The following IQCH variants were observed in gnomAD, a reference collection of about 807,000 sequenced individuals.
The protein encoded by IQCH is IQ motif containing H.
A neutral mutation model predicts 117.0 loss-of-function variants in IQCH; 98 were observed. The observed-to-expected ratio is 0.84, with a 90% CI of 0.71 to 0.99. IQCH has a LOEUF of 0.99. Among genes scored for constraint, IQCH ranks in the 50% least tolerant of loss-of-function variants. The pLI is 0.00. For missense variants in IQCH, 1,102 were observed against 1,243.8 expected, an observed-to-expected ratio of 0.89 and a Z score of 1.72; for synonymous variants, 412 against 448.2, an observed-to-expected ratio of 0.92 and a Z score of 1.02.
At position 67,443,602 on chromosome 15, in the gene IQCH, C is replaced by T. The variant is rs1164884922; in HGVS notation, c.2506-21525C>T. Among the ~76,000 whole-genome samples, 2 of 152,136 alleles carry T rather than the reference C, an allele frequency of 1.3e-5. No homozygotes were observed. The highest frequency in any genetic ancestry group is 4.8e-5 in the African/African-American group (2 of 41,426). Reference sequence around the variant, plus strand: ...AAAATAAAATAAATAAATGCATTATCGTCCTACCTCCCACATATTACCTTC... The same window carrying T: ...AAAATAAAATAAATAAATGCATTATTGTCCTACCTCCCACATATTACCTTC... On this transcript the variant is annotated intron_variant, in intron 16 of 20. Coordinates refer to ENST00000335894, the MANE Select transcript of IQCH (RefSeq NM_001031715.3). This position sits in a 1 kb window ranked among gnomAD's most constrained non-coding sequence, Gnocchi z 5.0.
At chr15:67,341,697 C>A (rs555845885) in intron 5 of IQCH, among the ~76,000 whole-genome samples, 3 of 152,058 alleles carry the variant, frequency 2.0e-5, no homozygotes, top group African/African-American at 7.2e-5. Flanking sequence ...AAAATGAACA[C>A]ATGTCAAAGA....
rs572604263 is a variant in IQCH, at chr15:67,436,014, G to A, written c.2505+14437G>A. On this transcript the variant is annotated intron_variant, in intron 16 of 20. Coordinates refer to ENST00000335894, the MANE Select transcript of IQCH (RefSeq NM_001031715.3). This position sits in a 1 kb window ranked among gnomAD's most constrained non-coding sequence, Gnocchi z 5.1. ...ATTTTACCTGTAATGTAAATGTTGC[G>A]GTGGAAAAGTACATTTGCTTTAGGC... Among the ~76,000 whole-genome samples the A allele has an allele frequency of 2.2e-4, 34 of 151,970 alleles. No homozygotes were observed. Among genetic ancestry groups the A allele is most frequent in the Non-Finnish European group, 3.8e-4 (26 of 68,004 alleles).
At chr15:67,273,138 T>C (rs923144785) in intron 3 of IQCH, among the ~76,000 whole-genome samples, 2 of 152,196 alleles carry the variant, frequency 1.3e-5, no homozygotes, top group African/African-American at 4.8e-5. Context: ...TGTTGCAATC[T>C]CGGCTCACTG....
intron 2 of IQCH, 85 bp downstream of exon 2, chr15:67,261,479 G>C: frequency 8.5e-7 from 1 of 1,172,676 alleles, no homozygotes; most frequent in Non-Finnish European, 1.2e-6. Context: ...ATAGAGTCCT[G>C]CATAATTCTG....
intron 13 of IQCH, among the ~76,000 whole-genome samples, chr15:67,398,399 G>T (rs1223220732): frequency 6.6e-6 from 1 of 152,146 alleles, no homozygotes. Context: ...TTCCTAGGCT[G>T]TGTTCATCAC....
At chr15:67,269,059 G>A (rs1016838664) in intron 3 of IQCH, among the ~76,000 whole-genome samples, 10 of 150,876 alleles carry the variant, frequency 6.6e-5, no homozygotes, top group African/African-American at 2.2e-4. Context: ...TAGACAGAAG[G>A]GCATCAACAG....
At chr15:67,363,453 T>G (rs571087978) in intron 8 of IQCH, among the ~76,000 whole-genome samples, 1 of 150,808 alleles carries the variant, frequency 6.6e-6, no homozygotes, top group African/African-American at 2.4e-5. Flanking sequence ...ACCATGTTGG[T>G]CAGGCTGGTC....
chr15:67,470,368 C>T (rs1405355904), intron 17 of IQCH, among the ~76,000 whole-genome samples: 1 of 152,066 alleles, frequency 6.6e-6, no homozygotes, highest in Non-Finnish European at 1.5e-5. Flanking sequence ...TTAGTAGAGA[C>T]GGGGTTTCAC....
rs1336101971 is a variant in IQCH, at chr15:67,466,538, C to G, written c.2676+1241C>G. 1 of 152,192 alleles carries G rather than the reference C, an allele frequency of 6.6e-6. No homozygotes were observed. Among genetic ancestry groups the G allele is most frequent in the Non-Finnish European group, 1.5e-5 (1 of 68,072 alleles). The allele number at this position is 152,192 out of a possible 1,614,324, so 9.4% of individuals were successfully genotyped here. A position where few individuals can be genotyped will look rare whatever the true frequency, so the allele number is the denominator to read the frequency against. ...GCCTCTCTGTGAACCCCTTTGGGTC[C>G]AGTCTGGATTTGAATAACCTTTGAC... is the stretch of plus-strand genomic sequence containing the variant. On this transcript the variant is annotated intron_variant, in intron 17 of 20. Coordinates refer to ENST00000335894, the MANE Select transcript of IQCH (RefSeq NM_001031715.3). This position sits in a 1 kb window ranked among gnomAD's most constrained non-coding sequence, Gnocchi z 4.4.
At position 67,359,770 on chromosome 15, in the gene IQCH, C is replaced by T; in HGVS notation, c.715-77C>T. ...GTAAAATGGGGAAGGGGGTGAGGCT[C>T]TGAGCCTTCTATTTGTTTTGTAAAA... On this transcript the variant is annotated intron_variant, in intron 7 of 20. Coordinates refer to ENST00000335894, the MANE Select transcript of IQCH (RefSeq NM_001031715.3). The surrounding 1 kb of genome is among the most constrained non-coding windows in gnomAD (Gnocchi z 4.5). 1 of 1,281,680 alleles carries T rather than the reference C, an allele frequency of 7.8e-7. No individual in the cohort carries two copies. The highest frequency in any genetic ancestry group is 1.1e-6 in the Non-Finnish European group (1 of 876,814). 79.4% of individuals were successfully genotyped at this position (1,281,680 alleles called of 1,614,324 possible).
chr15:67,325,021 T>G (rs1968341410), intron 4 of IQCH, among the ~76,000 whole-genome samples: 1 of 152,110 alleles, frequency 6.6e-6, no homozygotes, highest in Admixed American at 6.5e-5. Context: ...ATTCTCTCCC[T>G]CCTCTCCTTC....
chr15:67,338,644 T>C (rs886596414), intron 5 of IQCH, among the ~76,000 whole-genome samples: 23 of 152,144 alleles, frequency 1.5e-4, no homozygotes, highest in African/African-American at 5.6e-4. Context: ...ACTTCAAACT[T>C]TCCTACTTTT....
chr15:67,255,380 GT>G (rs1158853746), intron 1 of IQCH: 1 of 164,074 alleles, frequency 6.1e-6, no homozygotes, highest in African/African-American at 2.4e-5. Context: ...AAACACCCCA[GT>G]TTTTTAGATC....
rs973253930 is a variant in IQCH, at chr15:67,463,912, G to A, written c.2506-1215G>A. The stretch of plus-strand genomic sequence containing the variant: ...GGCTGGACTGTAGTGGTCTGATCTC[G>A]GCTCACTGAAACCTCTGCCTCCTGG... On this transcript the variant is annotated intron_variant, in intron 16 of 20. Coordinates refer to ENST00000335894, the MANE Select transcript of IQCH (RefSeq NM_001031715.3). This position sits in a 1 kb window ranked among gnomAD's most constrained non-coding sequence, Gnocchi z 4.0. 1.3e-5 allele frequency among the ~76,000 whole-genome samples: 2 copies of A among 151,932 alleles called. No homozygotes were observed. The highest frequency in any genetic ancestry group is 1.9e-4 in the East Asian group (1 of 5,174).
At chr15:67,262,226 G>A (rs1412696775) in intron 2 of IQCH, among the ~76,000 whole-genome samples, 1 of 152,146 alleles carries the variant, frequency 6.6e-6, no homozygotes, top group Non-Finnish European at 1.5e-5. Context: ...GAGAAATAAA[G>A]TAAATAGGAA....
In IQCH at chr15:67,479,172, C is replaced by T. The variant is rs146391206; in HGVS notation, c.2799+3354C>T. Among the ~76,000 whole-genome samples the T allele has an allele frequency of 5.8e-4, 89 of 152,204 alleles. 6 individuals are homozygous for T. Among genetic ancestry groups the T allele is most frequent in the East Asian group, 5.8e-3 (30 of 5,174 alleles). ...ACCAGCATTTATGGAGTGCCTACTG[C>T]GTACTGGCCTCTGAGCTGAGCACTT... On this transcript the variant is annotated intron_variant, in intron 18 of 20. Transcript: ENST00000335894. This position sits in a 1 kb window ranked among gnomAD's most constrained non-coding sequence, Gnocchi z 4.6.
chr15:67,487,582 C>T (rs560070592), intron 18 of IQCH, among the ~76,000 whole-genome samples: 1 of 152,046 alleles, frequency 6.6e-6, no homozygotes, highest in South Asian at 2.1e-4. Context: ...CTGATTTTTT[C>T]CTTTGCCTTG....
At chr15:67,487,073 C>T (rs1473415747) in intron 18 of IQCH, among the ~76,000 whole-genome samples, 1 of 152,242 alleles carries the variant, frequency 6.6e-6, no homozygotes, top group Admixed American at 6.5e-5. Flanking sequence ...TGGCTCACGC[C>T]TGTAATCCCA....
rs2083196662 is a variant in IQCH at position 67,476,140 on chromosome 15, A to C, written c.2799+322A>C. On this transcript the variant is annotated intron_variant, in intron 18 of 20. Coordinates refer to ENST00000335894, the MANE Select transcript of IQCH (RefSeq NM_001031715.3). The surrounding 1 kb of genome is among the most constrained non-coding windows in gnomAD (Gnocchi z 4.1). ...AGCAGGCCCTGAGCTTCCTGATCCC[A>C]CCCAAAGCTGCTTATCAATGAATAG... 6.6e-6 allele frequency among the ~76,000 whole-genome samples: 1 copy of C among 152,196 alleles called. No individual in the cohort carries two copies. The highest frequency in any genetic ancestry group is 2.1e-4 in the South Asian group (1 of 4,826).
Sources: allele counts gnomAD v4.1 joint callset (sites outside exome capture counted in the v4.1 genomes callset), GRCh38; gene constraint gnomAD v4.1.1; non-coding constraint Gnocchi (gnomAD v3.1); transcripts MANE v1.5; gene names NCBI Gene and HGNC (gene_info 2026-07-23, HGNC 2026-07-21).